NDEL1: variants seen among roughly 807,000 people sequenced by gnomAD.
NDEL1 encodes the protein nuclear distribution protein nudE-like 1.
Under a neutral mutation model 45.7 loss-of-function variants are expected in NDEL1, and 9 were observed. The observed-to-expected ratio is 0.20, with a 90% CI of 0.12 to 0.34. The LOEUF (loss-of-function observed/expected upper bound fraction) is 0.34, where lower values mean the gene tolerates loss of function less well. Ranked by LOEUF, NDEL1 falls within the 10% of genes least tolerant of loss-of-function variation. The pLI, the probability that NDEL1 is intolerant of heterozygous loss-of-function variation, is 1.00. For missense variants in NDEL1, 306 were observed against 406.2 expected, an observed-to-expected ratio of 0.75 and a Z score of 2.12; for synonymous variants, 133 against 158.6, an observed-to-expected ratio of 0.84 and a Z score of 1.21.
chr17:8,420,593 G>A (rs541101571), intron 1 of NDEL1, among the ~76,000 whole-genome samples: 1 of 152,328 alleles, frequency 6.6e-6, no homozygotes, highest in African/African-American at 2.4e-5. Context: ...GGGCCTGGAC[G>A]CTGTCCAGAT....
intron 7 of NDEL1, among the ~76,000 whole-genome samples, chr17:8,457,342 G>A (rs1453452307): frequency 2.6e-5 from 4 of 152,142 alleles, no homozygotes; most frequent in East Asian, 1.9e-4. Flanking sequence ...GTTGTTGTCT[G>A]TCTTTGTTCC....
At chr17:8,428,359 T>G (rs1354760157) in intron 1 of NDEL1, among the ~76,000 whole-genome samples, 1 of 91,514 alleles carries the variant, frequency 1.1e-5, no homozygotes, top group African/African-American at 4.0e-5. Context: ...TGTGTGTGTG[T>G]GTATTTTTTT....
intron 1 of NDEL1, among the ~76,000 whole-genome samples, chr17:8,425,488 C>T (rs1176203141): frequency 6.6e-6 from 1 of 150,996 alleles, no homozygotes; most frequent in Non-Finnish European, 1.5e-5. Context: ...AGGCTGAGGT[C>T]GGGGGATCAC....
chr17:8,471,282 C>G (rs1032535812), downstream of NDEL1, among the ~76,000 whole-genome samples: 42 of 152,234 alleles, frequency 2.8e-4, no homozygotes, highest in African/African-American at 1.0e-3. Flanking sequence ...TCCCAAGTAG[C>G]TGGGATTACA....
chr17:8,460,280 A>T, intron 8 of NDEL1, 120 bp downstream of exon 8: 2 of 1,060,564 alleles, frequency 1.9e-6, no homozygotes, highest in Non-Finnish European at 2.7e-6. Flanking sequence ...GAAGCCTGTT[A>T]TCATTCTAAT....
At chr17:8,471,035 G>C (rs1362012531), downstream of NDEL1, among the ~76,000 whole-genome samples, 22 of 152,216 alleles carry the variant, frequency 1.4e-4, no homozygotes. Flanking sequence ...CTCCCCGACT[G>C]TAACAGTGTT....
chr17:8,429,252 C>G (rs1908943473), intron 1 of NDEL1, among the ~76,000 whole-genome samples: 1 of 152,170 alleles, frequency 6.6e-6, no homozygotes. Context: ...TTATAGCCAC[C>G]AGACCATTGG....
At chr17:8,415,051 T>A (rs1814236142) in intron 1 of NDEL1, among the ~76,000 whole-genome samples, 1 of 152,110 alleles carries the variant, frequency 6.6e-6, no homozygotes, top group South Asian at 2.1e-4. Context: ...GGAGTTCCCT[T>A]TTCTCTTTCT....
chr17:8,470,652 C>T (rs961794944), downstream of NDEL1, among the ~76,000 whole-genome samples: 1 of 152,184 alleles, frequency 6.6e-6, no homozygotes, highest in Non-Finnish European at 1.5e-5. The surrounding 1 kb of genome is among the most constrained non-coding windows in gnomAD (Gnocchi z 4.2). Context: ...TGAGCTTGCA[C>T]GGCTAATTCA....
downstream of NDEL1, among the ~76,000 whole-genome samples, chr17:8,468,956 A>G (rs1030260839): frequency 1.3e-5 from 2 of 152,152 alleles, no homozygotes; most frequent in African/African-American, 4.8e-5. Flanking sequence ...GTGAACTGAG[A>G]TCATGTCACT....
chr17:8,415,427 C>CATTCATTTATTTATTTATTTATTT (rs1555555530), intron 1 of NDEL1, among the ~76,000 whole-genome samples: 5 of 148,036 alleles, frequency 3.4e-5, no homozygotes, highest in African/African-American at 1.3e-4. Context: ...ATAGTTTTAA[C>CATTCATTTATTTATTTATTTATTT]ATTTATTTAT....
chr17:8,457,650 T>C (rs1273316381), intron 7 of NDEL1, among the ~76,000 whole-genome samples: 3 of 152,206 alleles, frequency 2.0e-5, no homozygotes, highest in African/African-American at 7.2e-5. Flanking sequence ...GTTTTAAGCT[T>C]CTTTGATTTC....
intron 1 of NDEL1, among the ~76,000 whole-genome samples, chr17:8,430,596 T>C (rs1021805392): frequency 2.0e-5 from 3 of 152,176 alleles, no homozygotes; most frequent in Non-Finnish European, 4.4e-5. Flanking sequence ...AGGAGAGATG[T>C]TGGGATCCTC....
intron 1 of NDEL1, among the ~76,000 whole-genome samples, chr17:8,418,776 C>G (rs1268320730): frequency 7.1e-6 from 1 of 141,182 alleles, no homozygotes; most frequent in Non-Finnish European, 1.5e-5. Flanking sequence ...TCCCTCCCTA[C>G]CTCCCTCCTT....
chr17:8,444,615 G>A (rs1909962984), intron 2 of NDEL1: 2 of 326,370 alleles, frequency 6.1e-6, no homozygotes, highest in East Asian at 1.4e-4. Flanking sequence ...CCTGTTCTAT[G>A]CTTTTTAGTA....
rs1253519323 is a variant in NDEL1 at position 8,446,759 on chromosome 17, G to A, written c.246G>A (p.Lys82=). 9.3e-6 allele frequency: 15 copies of A among 1,613,900 alleles called. No homozygotes were observed. Among genetic ancestry groups the A allele is most frequent in the Non-Finnish European group, 1.3e-5 (15 of 1,179,988 alleles). ...LKYEVEALKE[K]LEHQYAQSYK... The stretch of plus-strand genomic sequence containing the variant: ...TCCTATACTGATGCCCTCAGGAGAA[G>A]CTAGAGCATCAATATGCACAGAGCT... Residue 82 remains lysine, a synonymous_variant, in exon 4 of 9, where the codon AAG becomes AAA. Transcript: ENST00000334527.
At chr17:8,428,824 C>G (rs2054522782) in intron 1 of NDEL1, among the ~76,000 whole-genome samples, 1 of 152,114 alleles carries the variant, frequency 6.6e-6, no homozygotes, top group Middle Eastern at 3.4e-3. Context: ...CGGGCTCCTG[C>G]CACCACGCCC....
At chr17:8,435,736 C>T, upstream of NDEL1, 1 of 337,494 alleles carries the variant, frequency 3.0e-6, no homozygotes, top group Admixed American at 3.9e-5. Context: ...CGCAAGAGGA[C>T]GCCGTCAGCT....
At chr17:8,455,968 A>G (rs1033849796) in intron 7 of NDEL1, among the ~76,000 whole-genome samples, 2 of 152,234 alleles carry the variant, frequency 1.3e-5, no homozygotes, top group African/African-American at 4.8e-5. Context: ...TTATGCCACT[A>G]TCAAGTCAGC....
Sources: gnomAD v4.1 joint callset for allele counts (sites outside exome capture counted in the v4.1 genomes callset) on GRCh38, gnomAD v4.1.1 for gene constraint, Gnocchi (gnomAD v3.1) non-coding constraint, MANE v1.5 for transcripts, NCBI Gene and HGNC (gene_info 2026-07-23, HGNC 2026-07-21) for gene names.